USP34: variants seen among roughly 807,000 people sequenced by gnomAD.
The protein encoded by USP34 is ubiquitin specific peptidase 34.
USP34 carries 70 observed loss-of-function variants against 460.3 expected under a neutral mutation model. The ratio of observed to expected loss-of-function variants is 0.15; its 90% CI spans 0.13 to 0.19. USP34 has a LOEUF of 0.19. USP34 is among the 10% of genes least tolerant of loss of function. The pLI is 1.00. For missense variants in USP34, 3,985 were observed against 4,236.2 expected, an observed-to-expected ratio of 0.94 and a Z score of 1.65; for synonymous variants, 1,647 against 1,405.3, an observed-to-expected ratio of 1.17 and a Z score of -3.85.
At chr2:61,349,372 T>C (rs1691872498) in intron 12 of USP34, 87 bp from the exon 13 acceptor site, 5 of 1,401,282 alleles carry the variant, frequency 3.6e-6, no homozygotes, top group Non-Finnish European at 5.0e-6. Context: ...TATTACATAA[T>C]CAACAAGATG....
rs753811675 is a variant in USP34 at position 61,314,651 on chromosome 2, G to A, written c.3476C>T (p.Ser1159Leu). The change falls in exon 25 of 80, where the codon TCA (serine) becomes TTA (leucine). Residue 1159 changes from serine to leucine, a missense_variant. Ser to Leu is a moderately radical substitution (Grantham distance 145, BLOSUM62 -2). Around this residue, in one of 14 missense-constraint regions of USP34, gnomAD observed 1,114 missense variants for 1,122.5 expected, o/e 0.99. Transcript: ENST00000398571. ...ASSSLEQESH[S>L]SLMVIERGLL... ...TCCTCTTTCTATAACCATGAGACTT[G>A]AGTGTGATTCCTGTTCAAGACTGCT... is the stretch of plus-strand genomic sequence containing the variant. 2.5e-6 allele frequency: 4 copies of A among 1,603,356 alleles called. No individual in the cohort carries two copies. Among genetic ancestry groups the A allele is most frequent in the Non-Finnish European group, 8.5e-7 (1 of 1,176,612 alleles).
intron 35 of USP34, among the ~76,000 whole-genome samples, chr2:61,283,907 T>C (rs1689610696): frequency 6.6e-6 from 1 of 151,144 alleles, no homozygotes; most frequent in African/African-American, 2.4e-5. Context: ...AGAATAATGG[T>C]TACCAGAGGC....
At position 61,404,663 on chromosome 2, in the gene USP34, G is replaced by C. The variant is rs542687931; in HGVS notation, c.552+1045C>G. Among the ~76,000 whole-genome samples, 31 of 152,222 alleles carry C rather than the reference G, an allele frequency of 2.0e-4. No individual in the cohort carries two copies. The South Asian group carries it at 5.8e-3, about 29-fold the overall frequency. ...TACCAACTGCCACACACACAAGTGC[G>C]ACCCAGACCTTACCCATCCAGTTCT... On this transcript the variant is annotated intron_variant, in intron 3 of 79. Coordinates refer to ENST00000398571, the MANE Select transcript of USP34 (RefSeq NM_014709.4).
chr2:61,248,890 C>T (rs935873087), intron 48 of USP34, among the ~76,000 whole-genome samples: 1 of 152,170 alleles, frequency 6.6e-6, no homozygotes, highest in African/African-American at 2.4e-5. Context: ...ACTACGGTTT[C>T]TCCTAAACCA....
chr2:61,327,991 G>C (rs548384615), intron 20 of USP34, among the ~76,000 whole-genome samples: 9 of 152,132 alleles, frequency 5.9e-5, no homozygotes, highest in Non-Finnish European at 1.2e-4. Context: ...CAGGAAACAC[G>C]TAATATGTCC....
At chr2:61,243,208 G>A (rs537445264) in intron 51 of USP34, among the ~76,000 whole-genome samples, 19 of 151,008 alleles carry the variant, frequency 1.3e-4, no homozygotes, top group African/African-American at 2.9e-4. Flanking sequence ...GTGCAATGGC[G>A]CGATGTCGGC....
intron 44 of USP34, 22 bp from the exon 45 acceptor site, chr2:61,257,372 T>C: frequency 3.2e-6 from 5 of 1,540,456 alleles, no homozygotes; most frequent in Non-Finnish European, 4.4e-6. Context: ...AAGGGGAACA[T>C]TCTAAGTGTC....
chr2:61,192,914 A>C lies in USP34; in HGVS notation c.9575T>G (p.Leu3192Arg), dbSNP rs762320995. 2.5e-6 allele frequency: 4 copies of C among 1,613,700 alleles called. No homozygotes were observed. In the African/African-American group the frequency reaches 4.0e-5, roughly 16 times the overall value. Residue 3192 changes from leucine (L) to arginine (R), a missense_variant, in exon 76 of 80, where the codon CTA becomes CGA. Transcript: ENST00000398571. The stretch of plus-strand genomic sequence containing the variant: ...CATTTTCTTTACCTGAGTCTGGCAT[A>C]GCTCAGTCCAAAGTTTGGGGAACAG... ...LALFPKLWTE[L>R]CQTQSAMSKN... is the part of the protein sequence containing the mutation.
chr2:61,191,613 T>C (rs1283342640), intron 76 of USP34, among the ~76,000 whole-genome samples: 1 of 152,120 alleles, frequency 6.6e-6, no homozygotes, highest in African/African-American at 2.4e-5. Context: ...ACTGGAAGCT[T>C]TGGAGGCCTT....
At chr2:61,249,096 T>A (rs894526442) in intron 48 of USP34, among the ~76,000 whole-genome samples, 1 of 152,242 alleles carries the variant, frequency 6.6e-6, no homozygotes, top group African/African-American at 2.4e-5. Context: ...CAAGTATTAA[T>A]AAAATAGAAC....
intron 14 of USP34, 93 bp downstream of exon 14, chr2:61,348,663 C>A: frequency 6.8e-7 from 1 of 1,481,088 alleles, no homozygotes; most frequent in East Asian, 2.4e-5. Flanking sequence ...AGGACAAGCC[C>A]AAACATGAAT....
chr2:61,297,043 G>T (rs1690051388), intron 29 of USP34, 118 bp from the exon 30 acceptor site: 3 of 1,285,030 alleles, frequency 2.3e-6, no homozygotes, highest in Non-Finnish European at 3.2e-6. Flanking sequence ...CTCACTTTTT[G>T]AAAAGTGAGA....
chr2:61,378,027 G>C (rs1314379261), intron 8 of USP34, among the ~76,000 whole-genome samples: 2 of 152,170 alleles, frequency 1.3e-5, no homozygotes, highest in Non-Finnish European at 2.9e-5. Context: ...ACAAAAATTA[G>C]CCAGGCATGC....
chr2:61,461,258 T>C (rs1372883120), intron 1 of USP34, among the ~76,000 whole-genome samples: 4 of 151,694 alleles, frequency 2.6e-5, no homozygotes. Context: ...CCAGGCATGG[T>C]GGCAGGCCCC....
intron 3 of USP34, 110 bp from the exon 4 acceptor site, chr2:61,395,343 G>A: frequency 1.4e-6 from 1 of 718,252 alleles, no homozygotes; most frequent in East Asian, 2.9e-5. Flanking sequence ...AGATTATTTT[G>A]CAATTACTCC....
chr2:61,464,419 C>G (rs1300823399), intron 1 of USP34, among the ~76,000 whole-genome samples: 3 of 152,208 alleles, frequency 2.0e-5, no homozygotes, highest in Non-Finnish European at 2.9e-5. Context: ...TGCAGGTTGA[C>G]AGGTGATCTT....
At chr2:61,339,202 A>G (rs1267944627) in intron 18 of USP34, 149 bp downstream of exon 18, 1 of 775,930 alleles carries the variant, frequency 1.3e-6, no homozygotes, top group African/African-American at 1.8e-5. Flanking sequence ...AGAAACCTCT[A>G]AATTTCATAT....
intron 48 of USP34, chr2:61,249,978 T>G (rs1572871132): frequency 6.1e-6 from 1 of 165,278 alleles, no homozygotes; most frequent in East Asian, 1.9e-4. Context: ...CTAGGCGCGG[T>G]GGCTCACGCC....
At chr2:61,341,724 T>C (rs988243877) in intron 16 of USP34, among the ~76,000 whole-genome samples, 5 of 151,988 alleles carry the variant, frequency 3.3e-5, no homozygotes, top group Admixed American at 1.3e-4. Flanking sequence ...TAAACCACTT[T>C]TGTTTATAAA....
Sources: allele counts gnomAD v4.1 joint callset (sites outside exome capture counted in the v4.1 genomes callset), GRCh38; gene constraint gnomAD v4.1.1; regional missense constraint gnomAD v4.1.1; transcripts MANE v1.5; gene names NCBI Gene and HGNC (gene_info 2026-07-23, HGNC 2026-07-21).